Variants in FOXN3 observed in about 807,000 individuals in gnomAD.
FOXN3 encodes forkhead box N3.
A neutral mutation model predicts 38.4 loss-of-function variants in FOXN3; 7 were observed. That is an observed-to-expected ratio of 0.18 (90% confidence interval 0.10 to 0.34). FOXN3 has a LOEUF of 0.34. FOXN3 is among the 10% of genes least tolerant of loss of function. FOXN3 has a pLI of 1.00. For synonymous variants in FOXN3, 230 were observed against 242.2 expected, an observed-to-expected ratio of 0.95 and a Z score of 0.47; for missense variants, 456 against 613.4, an observed-to-expected ratio of 0.74 and a Z score of 2.71.
At chr14:89,352,214 G>C (rs565916148) in intron 2 of FOXN3, among the ~76,000 whole-genome samples, 35 of 152,292 alleles carry the variant, frequency 2.3e-4, no homozygotes, top group Admixed American at 9.8e-4. Context: ...TAACCAACCG[G>C]ATGTTTAAAG....
In FOXN3 at chr14:89,455,788, G is replaced by A. The variant is rs550122421; in HGVS notation, c.-14-43298C>T. ...TTAAAACTGCAAATTGCCTAACTCC[G>A]AAATGGCCCATTCTAGATCTCCTAC... On this transcript the variant is annotated intron_variant, in intron 1 of 6. Transcript: ENST00000345097. Among the ~76,000 whole-genome samples the A allele has an allele frequency of 2.3e-4, 35 of 152,236 alleles. No homozygotes were observed. In the East Asian group the frequency reaches 4.8e-3, roughly 21 times the overall value.
intron 2 of FOXN3, among the ~76,000 whole-genome samples, chr14:89,367,666 C>T (rs1890196878): frequency 6.6e-6 from 1 of 152,030 alleles, no homozygotes; most frequent in Non-Finnish European, 1.5e-5. Flanking sequence ...CTGTGATTCA[C>T]GGGTAGGGGG....
Position 89,159,779 on chromosome 14 carries a change from T to A in FOXN3, c.*2635A>T, listed in dbSNP as rs1887055576. 1 of 152,282 alleles carries A rather than the reference T, an allele frequency of 6.6e-6. No individual in the cohort carries two copies. The highest frequency in any genetic ancestry group is 2.4e-5 in the African/African-American group (1 of 41,444). 9.4% of individuals were successfully genotyped at this position (152,282 alleles called of 1,614,324 possible). ...AAATCAAGGTGTCGCTCAGGTTCCA[T>A]AGCTGTGGATGGCTTTTAGGGTGTC... On this transcript the variant is annotated 3_prime_UTR_variant, in exon 6 of 6. Transcript: ENST00000557258.
intron 4 of FOXN3, among the ~76,000 whole-genome samples, chr14:89,210,081 C>T (rs2139829987): frequency 6.6e-6 from 1 of 152,356 alleles, no homozygotes. Context: ...TGGCTTGACA[C>T]AGCACCTAGC....
At chr14:89,331,089 A>G (rs1339711265) in intron 3 of FOXN3, among the ~76,000 whole-genome samples, 1 of 152,244 alleles carries the variant, frequency 6.6e-6, no homozygotes, top group Non-Finnish European at 1.5e-5. Flanking sequence ...TTTTAGGTGT[A>G]CATACAGTTC....
intron 4 of FOXN3, among the ~76,000 whole-genome samples, chr14:89,229,500 T>C (rs979473200): frequency 1.3e-5 from 2 of 152,180 alleles, no homozygotes; most frequent in South Asian, 2.1e-4. Flanking sequence ...ACAGTTGGGA[T>C]CCATCTTCAC....
At chr14:89,172,929 T>C (rs926288604) in intron 5 of FOXN3, among the ~76,000 whole-genome samples, 2 of 152,154 alleles carry the variant, frequency 1.3e-5, no homozygotes, top group Admixed American at 1.3e-4. Flanking sequence ...GGAGACTATA[T>C]GACCATAGAG....
At chr14:89,339,577 C>G (rs1888558490) in intron 3 of FOXN3, among the ~76,000 whole-genome samples, 1 of 152,232 alleles carries the variant, frequency 6.6e-6, no homozygotes, top group African/African-American at 2.4e-5. Flanking sequence ...GGCACTAAAG[C>G]TCATGGGAGA....
chr14:89,454,763 T>TAGAATGTTAATGTTC (rs1892685866), intron 1 of FOXN3, among the ~76,000 whole-genome samples: 1 of 152,190 alleles, frequency 6.6e-6, no homozygotes, highest in African/African-American at 2.4e-5. Context: ...CTTGATTGGT[T>TAGAATGTTAATGTTC]AGAATGTTAA....
intron 4 of FOXN3, chr14:89,230,982 T>A (rs1246119826): frequency 2.5e-6 from 1 of 399,968 alleles, no homozygotes; most frequent in African/African-American, 2.1e-5. Flanking sequence ...ACATAGCCAC[T>A]AGCTCTGCGG....
chr14:89,201,284 G>A (rs1364988995), intron 4 of FOXN3, among the ~76,000 whole-genome samples: 3 of 152,196 alleles, frequency 2.0e-5, no homozygotes, highest in Admixed American at 1.3e-4. Flanking sequence ...GTGCACAGGG[G>A]ACATTTGGGG....
rs890922528 is a variant in FOXN3 at position 89,214,604 on chromosome 14, G to T, written c.746-33798C>A. On this transcript the variant is annotated intron_variant, in intron 4 of 5. Transcript: ENST00000557258. ...CACTCAATTACGGCCGTGAAAAGAG[G>T]GAGAGATGGAAAGGACCCTTTTCCA... 1.3e-5 allele frequency among the ~76,000 whole-genome samples: 2 copies of T among 152,164 alleles called. 1 individual carries two copies. The highest frequency in any genetic ancestry group is 4.1e-4 in the South Asian group (2 of 4,834).
At chr14:89,521,358 T>TAGAGAGAGAGAGAGAGAG (rs199686142) in intron 1 of FOXN3, among the ~76,000 whole-genome samples, 128 of 125,048 alleles carry the variant, frequency 1.0e-3, no homozygotes, top group African/African-American at 1.9e-3. Flanking sequence ...AGATGATAGA[T>TAGAGAGAGAGAGAGAGAG]AGAGAGAGAG....
intron 1 of FOXN3, among the ~76,000 whole-genome samples, chr14:89,543,358 T>C (rs1003180394): frequency 3.3e-5 from 5 of 152,202 alleles, no homozygotes; most frequent in Non-Finnish European, 2.9e-5. Context: ...GCTTCTACTG[T>C]GCTAAGTAAT....
chr14:89,570,064 A>G (rs1895459738), intron 1 of FOXN3, among the ~76,000 whole-genome samples: 1 of 150,630 alleles, frequency 6.6e-6, no homozygotes, highest in Non-Finnish European at 1.5e-5. Context: ...GCAGTGGCGC[A>G]ATCTCGGCTC....
At chr14:89,349,951 T>C (rs1888901343) in intron 3 of FOXN3, among the ~76,000 whole-genome samples, 1 of 152,220 alleles carries the variant, frequency 6.6e-6, no homozygotes, top group Admixed American at 6.5e-5. Context: ...AACTGAGGAA[T>C]GCACTTCAAA....
intron 4 of FOXN3, among the ~76,000 whole-genome samples, chr14:89,278,790 C>T (rs965238853): frequency 3.3e-5 from 5 of 152,054 alleles, no homozygotes; most frequent in Admixed American, 2.0e-4. Flanking sequence ...GAGGGATGTG[C>T]GTACATTTTT....
At chr14:89,267,827 G>A (rs1037679874) in intron 4 of FOXN3, among the ~76,000 whole-genome samples, 1 of 152,156 alleles carries the variant, frequency 6.6e-6, no homozygotes. Context: ...GGTGGGGGCC[G>A]TGGCAGGGGG....
At chr14:89,510,692 G>A (rs1358571968) in intron 1 of FOXN3, among the ~76,000 whole-genome samples, 4 of 152,056 alleles carry the variant, frequency 2.6e-5, no homozygotes, top group Non-Finnish European at 4.4e-5. Flanking sequence ...CCGTAATCCC[G>A]GCACTTTGGG....
Sources: gnomAD v4.1 joint callset for allele counts (sites outside exome capture counted in the v4.1 genomes callset) on GRCh38, gnomAD v4.1.1 for gene constraint, MANE v1.5 for transcripts, NCBI Gene and HGNC (gene_info 2026-07-23, HGNC 2026-07-21) for gene names.